FAM227B: variants seen among roughly 807,000 people sequenced by gnomAD.
FAM227B encodes the protein family with sequence similarity 227 member B.
FAM227B carries 88 observed loss-of-function variants against 73.8 expected under a neutral mutation model. That is an observed-to-expected ratio of 1.19 (90% CI 1.00 to 1.42). The LOEUF (loss-of-function observed/expected upper bound fraction) is 1.42. Among genes scored for constraint, FAM227B ranks in the 40% most tolerant of loss-of-function variants. The pLI is 0.00. For synonymous variants in FAM227B, 210 were observed against 190.5 expected, an observed-to-expected ratio of 1.10 and a Z score of -0.84; for missense variants, 632 against 590.9, an observed-to-expected ratio of 1.07 and a Z score of -0.72.
At chr15:49,451,784 TA>T (rs1168304982) in intron 11 of FAM227B, among the ~76,000 whole-genome samples, 1 of 152,136 alleles carries the variant, frequency 6.6e-6, no homozygotes, top group Non-Finnish European at 1.5e-5. Context: ...AAGTAAGTTT[TA>T]AAAGTAATAC....
intron 15 of FAM227B, chr15:49,331,513 G>A (rs557609552): frequency 5.9e-5 from 23 of 392,868 alleles, no homozygotes; most frequent in African/African-American, 4.7e-4. Flanking sequence ...TTATTAGTTT[G>A]TAATTCTAAC....
chr15:49,399,674 GGGATGCAA>G (rs1172259333), intron 11 of FAM227B, among the ~76,000 whole-genome samples: 1 of 149,674 alleles, frequency 6.7e-6, no homozygotes, highest in African/African-American at 2.4e-5. Flanking sequence ...CTTCATCCCT[GGGATGCAA>G]GGCTGGTTCA....
intron 9 of FAM227B, among the ~76,000 whole-genome samples, chr15:49,554,519 T>C (rs1220635873): frequency 6.6e-6 from 1 of 152,164 alleles, no homozygotes. Flanking sequence ...GTTTAAATGC[T>C]CCCTCTGTGG....
intron 11 of FAM227B, among the ~76,000 whole-genome samples, chr15:49,474,250 TAA>T (rs1331466515): frequency 1.3e-5 from 2 of 152,162 alleles, no homozygotes; most frequent in Admixed American, 1.3e-4. Context: ...ATGTAGCTGG[TAA>T]AGAGTCTGGA....
intron 11 of FAM227B, among the ~76,000 whole-genome samples, chr15:49,405,904 T>C (rs1399245918): frequency 3.9e-5 from 6 of 152,210 alleles, no homozygotes; most frequent in African/African-American, 1.4e-4. Flanking sequence ...TTTGAAGTGC[T>C]GACCTTTGAA....
At chr15:49,433,863 T>C (rs1424404377) in intron 11 of FAM227B, among the ~76,000 whole-genome samples, 2 of 151,732 alleles carry the variant, frequency 1.3e-5, no homozygotes, top group South Asian at 2.1e-4. Flanking sequence ...ATAGTTGATA[T>C]TGGTTTAAGG....
rs376105789 is a variant in FAM227B at position 49,473,001 on chromosome 15, C to T, written c.1012+35210G>A. Among the ~76,000 whole-genome samples, 3 of 152,112 alleles carry T rather than the reference C, an allele frequency of 2.0e-5. No individual in the cohort carries two copies. The South Asian group carries it at 6.2e-4, about 32-fold the overall frequency. On this transcript the variant is annotated intron_variant, in intron 11 of 15. Coordinates refer to ENST00000299338, the MANE Select transcript of FAM227B (RefSeq NM_152647.3). ...GAATTAAAGTGGCTGAATTAAAACT[C>T]ACCATTTCTTAAGCAATTGTATGTG...
chr15:49,526,325 G>T (rs1468970586), intron 10 of FAM227B, among the ~76,000 whole-genome samples: 2 of 152,032 alleles, frequency 1.3e-5, no homozygotes, highest in African/African-American at 4.8e-5. Flanking sequence ...TGAAATTTGG[G>T]CAGCAATAAA....
At chr15:49,476,680 C>T (rs560525557) in intron 11 of FAM227B, among the ~76,000 whole-genome samples, 1 of 152,222 alleles carries the variant, frequency 6.6e-6, no homozygotes, top group Admixed American at 6.5e-5. Context: ...TTTCTCTACA[C>T]TCAATGATAT....
intron 13 of FAM227B, chr15:49,365,186 T>C: frequency 2.5e-6 from 2 of 788,272 alleles, no homozygotes; most frequent in Admixed American, 3.7e-5. Context: ...ATAATACAGA[T>C]GGTCCATCAT....
At chr15:49,559,407 G>C (rs1352958885) in intron 9 of FAM227B, among the ~76,000 whole-genome samples, 1 of 152,044 alleles carries the variant, frequency 6.6e-6, no homozygotes, top group Non-Finnish European at 1.5e-5. Flanking sequence ...TGAAACAACA[G>C]AGAGCACCTC....
chr15:49,587,107 A>G (rs1029809195), intron 5 of FAM227B, among the ~76,000 whole-genome samples: 2 of 152,212 alleles, frequency 1.3e-5, no homozygotes, highest in African/African-American at 2.4e-5. Context: ...TTGACTGCAT[A>G]AAGAAAATGT....
Position 49,331,764 on chromosome 15 carries a change from C to G in FAM227B, c.1419+16G>C, listed in dbSNP as rs1217617521. On this transcript the variant is annotated intron_variant, in intron 15 of 15. Transcript: ENST00000299338. ...TAGAGAGAGAATTCTCAATTATTTT[C>G]AGAAAGAAAACCTACCAGTTTATGT... 2 of 1,506,212 alleles carry G rather than the reference C, an allele frequency of 1.3e-6. No homozygotes were observed. The highest frequency in any genetic ancestry group is 1.8e-6 in the Non-Finnish European group (2 of 1,082,424). The allele number at this position is 1,506,212 out of a possible 1,614,324, so 93.3% of individuals were successfully genotyped here. A position where few individuals can be genotyped will look rare whatever the true frequency, so the allele number is the denominator to read the frequency against.
At chr15:49,577,558 G>C (rs1349450562) in intron 6 of FAM227B, 71 bp downstream of exon 6, 1 of 930,938 alleles carries the variant, frequency 1.1e-6, no homozygotes, top group African/African-American at 1.7e-5. Context: ...TGTTTATATT[G>C]TTGTAAACAT....
intron 11 of FAM227B, among the ~76,000 whole-genome samples, chr15:49,453,865 A>AT (rs1354749994): frequency 6.6e-6 from 1 of 152,166 alleles, no homozygotes; most frequent in Non-Finnish European, 1.5e-5. Context: ...TACATTTTAC[A>AT]TAAGAGTTCT....
intron 9 of FAM227B, among the ~76,000 whole-genome samples, chr15:49,567,043 G>T (rs2074713353): frequency 6.6e-6 from 1 of 151,706 alleles, no homozygotes; most frequent in Non-Finnish European, 1.5e-5. Flanking sequence ...TTTTCTTAAG[G>T]GCCCTGTACT....
At position 49,474,826 on chromosome 15, in the gene FAM227B, C is replaced by T. The variant is rs374186758; in HGVS notation, c.1012+33385G>A. On this transcript the variant is annotated intron_variant, in intron 11 of 15. Coordinates refer to ENST00000299338, the MANE Select transcript of FAM227B (RefSeq NM_152647.3). ...AGGGATCTAGGTTGCGTGCTCCGTA[C>T]GAAAATCTCACTAATGCCTGACGAT... is the stretch of plus-strand genomic sequence containing the variant. Among the ~76,000 whole-genome samples the T allele has an allele frequency of 3.9e-4, 60 of 152,174 alleles. 2 individuals are homozygous for T. The East Asian group carries it at 7.0e-3, about 18-fold the overall frequency.
chr15:49,344,457 T>C (rs2041178267), intron 13 of FAM227B, among the ~76,000 whole-genome samples: 1 of 152,198 alleles, frequency 6.6e-6, no homozygotes, highest in Admixed American at 6.5e-5. Context: ...TGGTACTAAC[T>C]TTATTGTGTT....
intron 11 of FAM227B, among the ~76,000 whole-genome samples, chr15:49,445,718 T>C (rs991790577): frequency 6.6e-6 from 1 of 151,580 alleles, no homozygotes; most frequent in African/African-American, 2.4e-5. Flanking sequence ...GTTCAGATGA[T>C]AATAGCTGTC....
Sources: gnomAD v4.1 joint callset for allele counts (sites outside exome capture counted in the v4.1 genomes callset) on GRCh38, gnomAD v4.1.1 for gene constraint, MANE v1.5 for transcripts, NCBI Gene and HGNC (gene_info 2026-07-23, HGNC 2026-07-21) for gene names.